The following RAPH1 variants were observed in gnomAD, a reference collection of about 807,000 sequenced individuals.
The protein encoded by RAPH1 is ras-associated and pleckstrin homology domains-containing protein 1.
Under a neutral mutation model 88.1 loss-of-function variants are expected in RAPH1, and 18 were observed. The ratio of observed to expected loss-of-function variants is 0.20; its 90% CI spans 0.14 to 0.30. The LOEUF (loss-of-function observed/expected upper bound fraction) is 0.30. Among genes scored for constraint, RAPH1 ranks in the 10% least tolerant of loss-of-function variants. The pLI is 1.00. For missense variants in RAPH1, 1,448 were observed against 1,543.2 expected, an observed-to-expected ratio of 0.94 and a Z score of 1.03; for synonymous variants, 587 against 559.0, an observed-to-expected ratio of 1.05 and a Z score of -0.71.
In RAPH1 at chr2:203,439,230, CACAT is replaced by C. The variant is rs2098500968; in HGVS notation, c.*203_*206del. On this transcript the variant is annotated 3_prime_UTR_variant, in exon 14 of 14. Coordinates refer to ENST00000319170, the MANE Select transcript of RAPH1 (RefSeq NM_213589.3). ...TAACTCTCAGCTCTCTCTCTATATA[CACAT>C]ACACATACATATATGTATACATATA... The C allele has an allele frequency of 1.8e-6, 1 of 541,394 alleles. No individual in the cohort carries two copies. Among genetic ancestry groups the C allele is most frequent in the Non-Finnish European group, 3.3e-6 (1 of 304,406 alleles). 33.5% of individuals were successfully genotyped at this position (541,394 alleles called of 1,614,324 possible). A position where few individuals can be genotyped will look rare whatever the true frequency, so the allele number is the denominator to read the frequency against.
intron 1 of RAPH1, among the ~76,000 whole-genome samples, chr2:203,514,368 T>C (rs1236807199): frequency 6.6e-6 from 1 of 152,172 alleles, no homozygotes; most frequent in Non-Finnish European, 1.5e-5. Context: ...TTTGTTTTTG[T>C]TTTTGTTTTT....
intron 1 of RAPH1, among the ~76,000 whole-genome samples, chr2:203,514,844 G>A (rs896837763): frequency 1.3e-5 from 2 of 152,038 alleles, no homozygotes; most frequent in Non-Finnish European, 2.9e-5. Context: ...ATGAGCCACC[G>A]CACCTGGCCA....
At position 203,497,822 on chromosome 2, in the gene RAPH1, T is replaced by C. The variant is rs533340966; in HGVS notation, c.1-2469A>G. Among the ~76,000 whole-genome samples, 7 of 152,328 alleles carry C rather than the reference T, an allele frequency of 4.6e-5. No individual in the cohort carries two copies. The East Asian group carries it at 1.3e-3, about 29-fold the overall frequency. On this transcript the variant is annotated intron_variant, in intron 1 of 13. Transcript: ENST00000319170. ...TGTAACAATATTATTTCTAAGATTT[T>C]ATTCATTACTATATAATTGATAGGT... is the stretch of plus-strand genomic sequence containing the variant.
At chr2:203,502,454 A>G (rs1043213590) in intron 1 of RAPH1, among the ~76,000 whole-genome samples, 1 of 152,226 alleles carries the variant, frequency 6.6e-6, no homozygotes, top group Non-Finnish European at 1.5e-5. Flanking sequence ...GCATAAAAAC[A>G]AACTAGAACT....
chr2:203,449,076 C>T (rs187171955), intron 10 of RAPH1, among the ~76,000 whole-genome samples: 135 of 152,324 alleles, frequency 8.9e-4, no homozygotes, highest in African/African-American at 3.1e-3. Context: ...AATAGATCTT[C>T]ACATCTTGAG....
At chr2:203,533,714 C>T (rs1008310272) in intron 1 of RAPH1, among the ~76,000 whole-genome samples, 2 of 152,054 alleles carry the variant, frequency 1.3e-5, no homozygotes, top group Admixed American at 1.3e-4. Flanking sequence ...TTACACTTAC[C>T]TACATTCACT....
intron 6 of RAPH1, 114 bp downstream of exon 6, chr2:203,461,135 T>C: frequency 2.2e-6 from 1 of 444,560 alleles, no homozygotes; most frequent in Admixed American, 4.8e-5. Flanking sequence ...TAAAATAAAA[T>C]AAAATAAAAA....
At chr2:203,501,730 A>G (rs17477113) in intron 1 of RAPH1, among the ~76,000 whole-genome samples, 66,523 of 151,370 alleles carry the variant, frequency 0.44, 16,642 homozygotes, top group Middle Eastern at 0.69. Context: ...AGTGACCCTC[A>G]ATAGAAAGGG....
chr2:203,503,889 A>G (rs1482332799), intron 1 of RAPH1, among the ~76,000 whole-genome samples: 2 of 152,170 alleles, frequency 1.3e-5, no homozygotes, highest in African/African-American at 2.4e-5. Flanking sequence ...TCCAAAAGCC[A>G]GTGGGGCAGC....
intron 4 of RAPH1, among the ~76,000 whole-genome samples, chr2:203,482,158 T>C (rs1687758753): frequency 6.6e-6 from 1 of 152,168 alleles, no homozygotes; most frequent in South Asian, 2.1e-4. Context: ...CTTCAGCCTC[T>C]TTTTTCATCT....
intron 3 of RAPH1, 144 bp from the exon 4 acceptor site, chr2:203,490,233 T>A: frequency 1.2e-6 from 1 of 827,118 alleles, no homozygotes; most frequent in Non-Finnish European, 1.8e-6. Context: ...TGTTTTAAAT[T>A]CCAAGATAAA....
At chr2:203,524,186 A>G (rs1316113500) in intron 1 of RAPH1, among the ~76,000 whole-genome samples, 1 of 152,192 alleles carries the variant, frequency 6.6e-6, no homozygotes. Context: ...AGAACATTAC[A>G]TTGCTCAACA....
intron 13 of RAPH1, chr2:203,441,970 GA>G (rs2098504665): frequency 6.7e-7 from 1 of 1,492,860 alleles, no homozygotes; most frequent in South Asian, 1.5e-5. Context: ...AGTCACACAG[GA>G]ATGAATAAGC....
At position 203,448,726 on chromosome 2, in the gene RAPH1, A is replaced by G; in HGVS notation, c.1512+12T>C. The G allele has an allele frequency of 6.4e-7, 1 of 1,552,090 alleles. No homozygotes were observed. The highest frequency in any genetic ancestry group is 8.8e-7 in the Non-Finnish European group (1 of 1,136,898). ...CCTCATTATTCCATCATCAAATCAAAAGGAGACATGCCTTTGCAATGCGGA... is the reference window on the plus strand; with the variant it reads ...CCTCATTATTCCATCATCAAATCAAGAGGAGACATGCCTTTGCAATGCGGA... On this transcript the variant is annotated intron_variant, in intron 11 of 13. Coordinates refer to ENST00000319170, the MANE Select transcript of RAPH1 (RefSeq NM_213589.3). This position sits in a 1 kb window ranked among gnomAD's most constrained non-coding sequence, Gnocchi z 4.1.
chr2:203,513,212 G>GC (rs1285527445), intron 1 of RAPH1, among the ~76,000 whole-genome samples: 1 of 151,376 alleles, frequency 6.6e-6, no homozygotes, highest in African/African-American at 2.4e-5. Flanking sequence ...AGAAAAATGG[G>GC]GGGGGGAATA....
At chr2:203,488,613 A>AC (rs967217607) in intron 4 of RAPH1, among the ~76,000 whole-genome samples, 4 of 149,018 alleles carry the variant, frequency 2.7e-5, no homozygotes, top group Admixed American at 1.3e-4. Context: ...AAAAAAAAAA[A>AC]AAAAACCTGT....
intron 6 of RAPH1, 118 bp downstream of exon 6, chr2:203,461,131 A>C: frequency 2.4e-6 from 1 of 419,124 alleles, no homozygotes; most frequent in Non-Finnish European, 3.7e-6. Flanking sequence ...AAATTAAAAT[A>C]AAATAAAATA....
intron 1 of RAPH1, among the ~76,000 whole-genome samples, chr2:203,497,555 A>G (rs1052812394): frequency 2.6e-5 from 4 of 152,214 alleles, no homozygotes; most frequent in Non-Finnish European, 1.5e-5. Context: ...AAATCATATC[A>G]TATCTCATTT....
chr2:203,486,019 G>A (rs1375953016), intron 4 of RAPH1, among the ~76,000 whole-genome samples: 1 of 148,040 alleles, frequency 6.8e-6, no homozygotes, highest in African/African-American at 2.5e-5. Context: ...AGCCAGCATA[G>A]AAGACTGGAA....
Sources: gnomAD v4.1 joint callset for allele counts (sites outside exome capture counted in the v4.1 genomes callset) on GRCh38, gnomAD v4.1.1 for gene constraint, Gnocchi (gnomAD v3.1) non-coding constraint, MANE v1.5 for transcripts, NCBI Gene and HGNC (gene_info 2026-07-23, HGNC 2026-07-21) for gene names.